CTNNA3: variants seen among roughly 807,000 people sequenced by gnomAD.
CTNNA3 encodes the protein catenin alpha-3.
Under a neutral mutation model 95.7 loss-of-function variants are expected in CTNNA3, and 76 were observed. The observed-to-expected ratio is 0.79, with a 90% CI of 0.66 to 0.96. The LOEUF (loss-of-function observed/expected upper bound fraction) is 0.96, where lower values mean the gene tolerates loss of function less well. Among genes scored for constraint, CTNNA3 ranks in the 40% least tolerant of loss-of-function variants. CTNNA3 has a pLI of 0.00. For missense variants in CTNNA3, 1,191 were observed against 1,089.8 expected (o/e 1.09, Z -1.31); for synonymous variants, 431 against 374.4 (o/e 1.15, Z -1.74).
At chr10:66,740,331 C>T (rs925272174) in intron 9 of CTNNA3, among the ~76,000 whole-genome samples, 20 of 152,170 alleles carry the variant, frequency 1.3e-4, no homozygotes, top group African/African-American at 4.8e-4. Flanking sequence ...ACACAGAAGT[C>T]CCACACTGGC....
At chr10:67,678,642 C>G (rs529859155) in intron 1 of CTNNA3, among the ~76,000 whole-genome samples, 9 of 152,202 alleles carry the variant, frequency 5.9e-5, no homozygotes, top group African/African-American at 1.7e-4. Flanking sequence ...GATTGCTTAG[C>G]AGTTGAGAGA....
chr10:66,728,479 G>A (rs1162514350), intron 9 of CTNNA3, among the ~76,000 whole-genome samples: 2 of 151,990 alleles, frequency 1.3e-5, no homozygotes, highest in Non-Finnish European at 2.9e-5. Context: ...AATTGCTTTG[G>A]GTGTTTTCAT....
intron 10 of CTNNA3, among the ~76,000 whole-genome samples, chr10:66,580,855 C>G (rs547119291): frequency 1.3e-5 from 2 of 151,826 alleles, no homozygotes; most frequent in East Asian, 3.9e-4. Context: ...CATGCATTAT[C>G]TGAATAGTGC....
chr10:66,709,875 A>G (rs1848236229), intron 9 of CTNNA3, among the ~76,000 whole-genome samples: 1 of 152,142 alleles, frequency 6.6e-6, no homozygotes, highest in Non-Finnish European at 1.5e-5. Flanking sequence ...CAGAACCCTA[A>G]TGTGTAAATT....
intron 7 of CTNNA3, among the ~76,000 whole-genome samples, chr10:66,821,004 C>T (rs1842287969): frequency 6.6e-6 from 1 of 152,048 alleles, no homozygotes; most frequent in Non-Finnish European, 1.5e-5. Flanking sequence ...TCTCCATCCA[C>T]TACAACATGT....
chr10:66,511,153 T>TAG (rs1840643453), intron 11 of CTNNA3, among the ~76,000 whole-genome samples: 1 of 151,844 alleles, frequency 6.6e-6, no homozygotes, highest in African/African-American at 2.4e-5. Flanking sequence ...ATTTCCTTTA[T>TAG]GTTTTTTAAT....
chr10:66,183,341 A>T (rs1473816366), intron 13 of CTNNA3, among the ~76,000 whole-genome samples: 1 of 152,198 alleles, frequency 6.6e-6, no homozygotes, highest in South Asian at 2.1e-4. Flanking sequence ...TCTCTGTATG[A>T]GATATGCATT....
intron 14 of CTNNA3, among the ~76,000 whole-genome samples, chr10:66,081,988 G>T (rs1435419195): frequency 6.6e-6 from 1 of 151,792 alleles, no homozygotes; most frequent in African/African-American, 2.4e-5. Context: ...CATGGTGGTG[G>T]GTGCCTGTAA....
intron 7 of CTNNA3, among the ~76,000 whole-genome samples, chr10:66,822,623 T>C (rs1231370327): frequency 6.6e-6 from 1 of 152,222 alleles, no homozygotes; most frequent in Non-Finnish European, 1.5e-5. Context: ...TAACCTGTAA[T>C]TAAACACTTT....
chr10:66,954,831 G>C (rs1002496432), intron 7 of CTNNA3, among the ~76,000 whole-genome samples: 9 of 152,076 alleles, frequency 5.9e-5, no homozygotes, highest in African/African-American at 1.2e-4. Context: ...TATAGGCCTT[G>C]GGCTACAAGT....
chr10:66,072,519 A>G (rs1011989079), intron 14 of CTNNA3, among the ~76,000 whole-genome samples: 1 of 152,082 alleles, frequency 6.6e-6, no homozygotes, highest in Non-Finnish European at 1.5e-5. Context: ...ATCTCAGCTC[A>G]CTGCCACCTC....
At chr10:66,122,908 T>A (rs1331581490) in intron 13 of CTNNA3, among the ~76,000 whole-genome samples, 1 of 152,080 alleles carries the variant, frequency 6.6e-6, no homozygotes, top group African/African-American at 2.4e-5. Flanking sequence ...TTCAATCAAC[T>A]CTCACCAGGT....
chr10:66,608,918 CA>C (rs1190974431), intron 10 of CTNNA3, among the ~76,000 whole-genome samples: 1 of 151,986 alleles, frequency 6.6e-6, no homozygotes, highest in African/African-American at 2.4e-5. Flanking sequence ...GCAATTACAA[CA>C]AAAGAAAAAA....
intron 15 of CTNNA3, among the ~76,000 whole-genome samples, chr10:66,069,081 T>C (rs2080373915): frequency 6.6e-6 from 1 of 152,120 alleles, no homozygotes; most frequent in East Asian, 1.9e-4. Context: ...TGAGAGAGTA[T>C]AAGTGGTGTC....
chr10:67,163,262 G>A (rs1414249882), intron 7 of CTNNA3, among the ~76,000 whole-genome samples: 1 of 151,866 alleles, frequency 6.6e-6, no homozygotes, highest in Admixed American at 6.6e-5. Context: ...AAAATGAATT[G>A]TATACCATGA....
intron 12 of CTNNA3, among the ~76,000 whole-genome samples, chr10:66,361,524 C>G (rs2092675428): frequency 6.8e-6 from 1 of 147,042 alleles, no homozygotes; most frequent in Non-Finnish European, 1.5e-5. Flanking sequence ...CTCTCTGCAT[C>G]TTTCTCTCTT....
chr10:66,094,618 A>G (rs7905964), intron 14 of CTNNA3, among the ~76,000 whole-genome samples: 27,988 of 152,086 alleles, frequency 0.18, 3,116 homozygotes, highest in Middle Eastern at 0.24. Context: ...ATCTCCTGTT[A>G]TAAAGAAAAC....
At chr10:66,912,780 G>A (rs142107804) in intron 7 of CTNNA3, among the ~76,000 whole-genome samples, 1,597 of 152,178 alleles carry the variant, frequency 0.01, 18 homozygotes, top group African/African-American at 0.036. Flanking sequence ...TCAAAGTGAT[G>A]ATTCAAAATT....
chr10:67,115,093 C>T (rs79296525), intron 7 of CTNNA3, among the ~76,000 whole-genome samples: 1 of 152,090 alleles, frequency 6.6e-6, no homozygotes. Flanking sequence ...CCACTTTGGT[C>T]CCTACACACC....
Sources: gnomAD v4.1 joint callset for allele counts (sites outside exome capture counted in the v4.1 genomes callset) on GRCh38, gnomAD v4.1.1 for gene constraint, MANE v1.5 for transcripts, NCBI Gene and HGNC (gene_info 2026-07-23, HGNC 2026-07-21) for gene names.